The following EFCAB8 variants were observed in gnomAD, a reference collection of about 807,000 sequenced individuals.
EFCAB8 encodes EF-hand calcium-binding domain-containing protein 8.
In EFCAB8, 100 loss-of-function variants were observed where a neutral mutation model predicts 116.3. That is an observed-to-expected ratio of 0.86 (90% CI 0.73 to 1.02). The LOEUF (loss-of-function observed/expected upper bound fraction) is 1.02. EFCAB8 is among the 50% of genes least tolerant of loss of function. The pLI is 0.00. For synonymous variants in EFCAB8, 558 were observed against 567.9 expected, an observed-to-expected ratio of 0.98 and a Z score of 0.25; for missense variants, 1,320 against 1,416.9, an observed-to-expected ratio of 0.93 and a Z score of 1.10.
intron 23 of EFCAB8, among the ~76,000 whole-genome samples, chr20:32,944,380 G>A (rs971417826): frequency 1.3e-5 from 2 of 152,088 alleles, no homozygotes; most frequent in South Asian, 2.1e-4. Flanking sequence ...CAGGAGAATC[G>A]TTTGAACCTG....
rs987884138 is a variant in EFCAB8 at position 32,947,423 on chromosome 20, C to A, written c.2959+3619C>A. Among the ~76,000 whole-genome samples, 37 of 152,134 alleles carry A rather than the reference C, an allele frequency of 2.4e-4. 1 individual carries two copies. The highest frequency in any genetic ancestry group is 2.3e-3 in the Admixed American group (35 of 15,270). ...ACATTATTTTTAAGTGCACACAGAA[C>A]ATTAATTAAACCGACCATATTCTGG... On this transcript the variant is annotated intron_variant, in intron 23 of 26. Transcript: ENST00000400522.
chr20:32,917,326 T>C lies in EFCAB8; in HGVS notation c.1882T>C (p.Leu628=), dbSNP rs1439035159. Reference sequence around the variant, plus strand: ...GTTCCACAAGACCAAGCCAGTGCTCTTGTGCTACCACTGGCAGACCTACCA... The same window carrying C: ...GTTCCACAAGACCAAGCCAGTGCTCCTGTGCTACCACTGGCAGACCTACCA... The part of the protein sequence containing the change: ...FLFHKTKPVL[L]CYHWQTYHTE... Residue 628 remains leucine, a synonymous_variant, in exon 18 of 27, where the codon TTG becomes CTG. Transcript: ENST00000400522. 17 of 1,551,568 alleles carry C rather than the reference T, an allele frequency of 1.1e-5. No homozygotes were observed. The highest frequency in any genetic ancestry group is 1.4e-5 in the Non-Finnish European group (16 of 1,146,970).
chr20:32,938,620 A>T lies in EFCAB8; in HGVS notation c.2791-5016A>T, dbSNP rs534603790. Among the ~76,000 whole-genome samples the T allele has an allele frequency of 4.0e-5, 6 of 150,014 alleles. 1 individual carries two copies. The highest frequency in any genetic ancestry group is 1.5e-4 in the African/African-American group (6 of 40,502). On this transcript the variant is annotated intron_variant, in intron 22 of 26. Transcript: ENST00000400522. ...CTTGATATAAATATACAAAACCAAT[A>T]TATTTATATACACTAGCAATAAACA...
intron 10 of EFCAB8, 54 bp downstream of exon 10, chr20:32,896,581 A>G (rs1162912355): frequency 5.6e-6 from 4 of 710,832 alleles, no homozygotes; most frequent in Non-Finnish European, 1.0e-5. Context: ...GTACACACAC[A>G]CCACTCAAAA....
intron 22 of EFCAB8, among the ~76,000 whole-genome samples, chr20:32,935,057 T>A (rs921391995): frequency 1.3e-5 from 2 of 152,140 alleles, no homozygotes; most frequent in South Asian, 2.1e-4. Flanking sequence ...TTAATTTGTT[T>A]TTCCTAATGA....
At position 32,926,757 on chromosome 20, in the gene EFCAB8, G is replaced by A. The variant is rs550933040; in HGVS notation, c.2413-3641G>A. ...TTCCCACCTATGAGTGAGAATATGC[G>A]GTGTTTGGTTTTTTGTTCTTGCGAT... On this transcript the variant is annotated intron_variant, in intron 20 of 26. Transcript: ENST00000400522. Among the ~76,000 whole-genome samples, 77 of 142,290 alleles carry A rather than the reference G, an allele frequency of 5.4e-4. 2 individuals are homozygous for A. The highest frequency in any genetic ancestry group is 3.7e-3 in the East Asian group (18 of 4,878). 93.3% of individuals were successfully genotyped at this position (142,290 alleles called of 152,430 possible).
chr20:32,866,129 T>C (rs955614935), intron 2 of EFCAB8, among the ~76,000 whole-genome samples: 5 of 152,158 alleles, frequency 3.3e-5, no homozygotes, highest in Non-Finnish European at 7.3e-5. Flanking sequence ...ACCCTCACTA[T>C]GTTCACGGTG....
chr20:32,937,896 C>T (rs1988184119), intron 22 of EFCAB8, among the ~76,000 whole-genome samples: 1 of 150,000 alleles, frequency 6.7e-6, no homozygotes, highest in African/African-American at 2.5e-5. Context: ...GGATTACAGG[C>T]GTGAGCCACC....
intron 3 of EFCAB8, among the ~76,000 whole-genome samples, chr20:32,872,946 G>A (rs1984758857): frequency 1.3e-5 from 2 of 151,782 alleles, no homozygotes; most frequent in South Asian, 4.2e-4. Flanking sequence ...ACAAAAATTA[G>A]CCGAGTGTGA....
At chr20:32,933,934 G>A (rs182684957) in intron 22 of EFCAB8, among the ~76,000 whole-genome samples, 274 of 152,216 alleles carry the variant, frequency 1.8e-3, no homozygotes, top group African/African-American at 6.4e-3. Flanking sequence ...CCGAGGTTGC[G>A]CCACTGCACT....
At chr20:32,955,352 C>G (rs1568950650) in intron 23 of EFCAB8, among the ~76,000 whole-genome samples, 1 of 152,056 alleles carries the variant, frequency 6.6e-6, no homozygotes, top group African/African-American at 2.4e-5. Flanking sequence ...CCAGCATGGG[C>G]AACAATGTGA....
At chr20:32,940,046 TTCCTTCC>T (rs1988355182) in intron 22 of EFCAB8, among the ~76,000 whole-genome samples, 3 of 89,290 alleles carry the variant, frequency 3.4e-5, no homozygotes, top group Admixed American at 1.4e-4. Context: ...CCTTCCTTCC[TTCCTTCC>T]TTCCTTCCTT....
chr20:32,936,726 T>C (rs1988132258), intron 22 of EFCAB8, among the ~76,000 whole-genome samples: 1 of 152,216 alleles, frequency 6.6e-6, no homozygotes. Context: ...TTATAATATA[T>C]TTTGAAATCA....
chr20:32,948,522 GAAAAAGAA>G (rs978130423), intron 23 of EFCAB8, among the ~76,000 whole-genome samples: 1 of 47,444 alleles, frequency 2.1e-5, no homozygotes, highest in African/African-American at 8.7e-5. Flanking sequence ...AGAAGAAAGT[GAAAAAGAA>G]AGAAAGAAAG....
At chr20:32,903,197 C>A (rs1401281848) in intron 11 of EFCAB8, among the ~76,000 whole-genome samples, 1 of 152,212 alleles carries the variant, frequency 6.6e-6, no homozygotes. Flanking sequence ...CACCTGGTGC[C>A]CACCACACCG....
rs1985995031 is a variant in EFCAB8, at chr20:32,893,056, G to C, written c.759-118G>C. The stretch of plus-strand genomic sequence containing the variant: ...AGGTTTCACCACGTTGGCCAGGCTG[G>C]TCTCGAACTCCTGACCTCAGGTGAT... On this transcript the variant is annotated intron_variant, in intron 8 of 26. Transcript: ENST00000400522. 46 of 1,260,044 alleles carry C rather than the reference G, an allele frequency of 3.7e-5. 2 individuals are homozygous for C. The South Asian group carries it at 6.2e-4, about 17-fold the overall frequency. 78.1% of individuals were successfully genotyped at this position (1,260,044 alleles called of 1,614,324 possible).
chr20:32,943,513 G>C, intron 22 of EFCAB8, 123 bp from the exon 23 acceptor site: 1 of 414,962 alleles, frequency 2.4e-6, no homozygotes, highest in African/African-American at 2.0e-5. Flanking sequence ...TCTAGAACTA[G>C]AACGCTAGCC....
chr20:32,923,495 C>A (rs1258621662), intron 20 of EFCAB8, among the ~76,000 whole-genome samples: 2 of 151,884 alleles, frequency 1.3e-5, no homozygotes, highest in African/African-American at 2.4e-5. Context: ...CAAAACAACA[C>A]CACCACCACC....
intron 2 of EFCAB8, 43 bp downstream of exon 2, chr20:32,863,877 C>T (rs1348501499): frequency 6.5e-7 from 1 of 1,545,950 alleles, no homozygotes; most frequent in Middle Eastern, 1.7e-4. Context: ...GTGGGGCATT[C>T]CAGAGTCACC....
Sources: gnomAD v4.1 joint callset for allele counts (sites outside exome capture counted in the v4.1 genomes callset) on GRCh38, gnomAD v4.1.1 for gene constraint, MANE v1.5 for transcripts, NCBI Gene and HGNC (gene_info 2026-07-23, HGNC 2026-07-21) for gene names.